Variants in NCKAP5 observed in about 807,000 individuals in gnomAD.
The protein encoded by NCKAP5 is NCK associated protein 5.
In NCKAP5, 92 loss-of-function variants were observed where a neutral mutation model predicts 167.0. The ratio of observed to expected loss-of-function variants is 0.55; its 90% CI spans 0.47 to 0.66. NCKAP5 has a LOEUF of 0.66. Among genes scored for constraint, NCKAP5 ranks in the 30% least tolerant of loss-of-function variants. The pLI, the probability that NCKAP5 is intolerant of heterozygous loss-of-function variation, is 0.00. For synonymous variants in NCKAP5, 891 were observed against 877.4 expected (o/e 1.02, Z -0.27); for missense variants, 2,378 against 2,315.0 (o/e 1.03, Z -0.56).
intron 3 of NCKAP5, among the ~76,000 whole-genome samples, chr2:133,440,974 T>A (rs1035407856): frequency 6.6e-6 from 1 of 152,126 alleles, no homozygotes; most frequent in African/African-American, 2.4e-5. Flanking sequence ...CAAGGTCTTT[T>A]AAAACTCTTA....
At chr2:133,602,244 T>G in the NCKAP5 span, among the ~76,000 whole-genome samples, 32 of 152,186 alleles carry the variant, frequency 2.1e-4, no homozygotes, top group East Asian at 6.2e-3. Context: ...CTTGGACATT[T>G]GGGGACAGCA....
intron 8 of NCKAP5, among the ~76,000 whole-genome samples, chr2:132,926,014 T>C (rs1054106311): frequency 1.3e-5 from 2 of 152,180 alleles, no homozygotes; most frequent in Non-Finnish European, 2.9e-5. Flanking sequence ...CATTATGTAA[T>C]TTCTCATCCT....
At chr2:132,979,824 C>T (rs114752964) in intron 7 of NCKAP5, among the ~76,000 whole-genome samples, 2,468 of 152,224 alleles carry the variant, frequency 0.016, 36 homozygotes, top group Non-Finnish European at 0.024. Flanking sequence ...TGCATGTCTC[C>T]TATGCAGAAT....
At chr2:133,303,283 A>C (rs548990187) in intron 3 of NCKAP5, among the ~76,000 whole-genome samples, 173 bp from the exon 4 acceptor site, 2 of 152,232 alleles carry the variant, frequency 1.3e-5, no homozygotes, top group South Asian at 4.1e-4. Flanking sequence ...CTATTTTTTC[A>C]TGTCCTATGA....
At chr2:132,892,740 T>C (rs1299082349) in intron 8 of NCKAP5, among the ~76,000 whole-genome samples, 2 of 152,168 alleles carry the variant, frequency 1.3e-5, no homozygotes, top group Non-Finnish European at 2.9e-5. Context: ...ATTTTACAGA[T>C]GAAGAAAATA....
intron 4 of NCKAP5, among the ~76,000 whole-genome samples, chr2:133,250,774 C>CA (rs1447139669): frequency 6.6e-6 from 1 of 151,992 alleles, no homozygotes; most frequent in Admixed American, 6.6e-5. Context: ...TACATCTCTA[C>CA]AAAAAATTAG....
intron 4 of NCKAP5, among the ~76,000 whole-genome samples, chr2:133,220,495 A>G (rs1056117190): frequency 8.5e-5 from 13 of 152,186 alleles, no homozygotes; most frequent in African/African-American, 2.9e-4. Flanking sequence ...AAGCCCTTCA[A>G]TATAGCCCCA....
At chr2:132,779,310 C>T (rs1332989598) in intron 15 of NCKAP5, among the ~76,000 whole-genome samples, 3 of 152,050 alleles carry the variant, frequency 2.0e-5, no homozygotes, top group African/African-American at 7.2e-5. Flanking sequence ...TACTTCTGTA[C>T]AGTGAAGATA....
At chr2:133,366,285 T>A (rs61596288) in intron 3 of NCKAP5, among the ~76,000 whole-genome samples, 6,821 of 152,270 alleles carry the variant, frequency 0.045, 484 homozygotes, top group African/African-American at 0.15. Flanking sequence ...GTGATTTAAA[T>A]CTTAAATAAA....
chr2:133,594,509 C>T, the NCKAP5 span, among the ~76,000 whole-genome samples: 2 of 152,136 alleles, frequency 1.3e-5, no homozygotes, highest in Non-Finnish European at 2.9e-5. Context: ...GAGTGCCCGA[C>T]ACTAAGTAGG....
rs1436329014 is a variant in NCKAP5 at position 132,896,191 on chromosome 2, T to C, written c.580-17275A>G. 2.6e-5 allele frequency among the ~76,000 whole-genome samples: 4 copies of C among 152,124 alleles called. No individual in the cohort carries two copies. The East Asian group carries it at 7.7e-4, about 29-fold the overall frequency. ...ACAAAAACAAAACACAGTAAACTTC[T>C]CAGCGTTCTGAACTTTCAATTGTTT... On this transcript the variant is annotated intron_variant, in intron 8 of 19. Coordinates refer to ENST00000409261, the MANE Select transcript of NCKAP5 (RefSeq NM_207363.3).
chr2:132,804,730 C>A (rs1490829548), intron 11 of NCKAP5, among the ~76,000 whole-genome samples: 1 of 152,120 alleles, frequency 6.6e-6, no homozygotes, highest in Admixed American at 6.5e-5. Flanking sequence ...TCTCATGAAT[C>A]TTCATACTAC....
intron 5 of NCKAP5, among the ~76,000 whole-genome samples, chr2:133,186,369 G>A (rs924464663): frequency 1.5e-4 from 23 of 152,154 alleles, no homozygotes; most frequent in Admixed American, 1.2e-3. Flanking sequence ...ATATTTTGTT[G>A]AGGATTTTTG....
chr2:133,235,685 A>G (rs927119295), intron 4 of NCKAP5, among the ~76,000 whole-genome samples: 14 of 152,024 alleles, frequency 9.2e-5, no homozygotes, highest in Non-Finnish European at 1.5e-4. Context: ...GGCATGGATC[A>G]CCTGAGGTTA....
chr2:132,865,366 T>C (rs1228186110), intron 10 of NCKAP5, among the ~76,000 whole-genome samples: 2 of 152,166 alleles, frequency 1.3e-5, no homozygotes, highest in African/African-American at 4.8e-5. Flanking sequence ...TACAGTCACT[T>C]GAGCCCATTA....
Position 133,231,467 on chromosome 2 carries a change from C to T in NCKAP5, c.144-17688G>A, listed in dbSNP as rs111946897. On this transcript the variant is annotated intron_variant, in intron 4 of 19. Coordinates refer to ENST00000409261, the MANE Select transcript of NCKAP5 (RefSeq NM_207363.3). ...CAATTAACAGAGCCCAGTTTAACTA[C>T]GCTCATGTGTGAAGCAGGTTGGAAG... Among the ~76,000 whole-genome samples the T allele has an allele frequency of 2.8e-3, 432 of 152,274 alleles. 9 individuals carry two copies. Among genetic ancestry groups the T allele is most frequent in the Non-Finnish European group, 5.3e-4 (36 of 68,022 alleles).
intron 2 of NCKAP5, among the ~76,000 whole-genome samples, chr2:133,552,716 G>A: frequency 6.9e-6 from 1 of 144,276 alleles, no homozygotes; most frequent in African/African-American, 2.6e-5. Flanking sequence ...TGCACAATGT[G>A]CACATGTACC....
chr2:133,455,936 A>G (rs958741989), intron 3 of NCKAP5, among the ~76,000 whole-genome samples: 3 of 152,288 alleles, frequency 2.0e-5, no homozygotes, highest in Non-Finnish European at 2.9e-5. Flanking sequence ...TTAATTTTCT[A>G]AACCACAGGA....
At chr2:133,357,196 C>G (rs749732985) in intron 3 of NCKAP5, among the ~76,000 whole-genome samples, 21 of 151,566 alleles carry the variant, frequency 1.4e-4, no homozygotes, top group Non-Finnish European at 2.5e-4. Flanking sequence ...CATGCTTGCC[C>G]GACCCTAAAT....
Sources: gnomAD v4.1 joint callset for allele counts (sites outside exome capture counted in the v4.1 genomes callset) on GRCh38, gnomAD v4.1.1 for gene constraint, MANE v1.5 for transcripts, NCBI Gene and HGNC (gene_info 2026-07-23, HGNC 2026-07-21) for gene names.